Variants in MEMO1 observed in about 807,000 individuals in gnomAD.
MEMO1 encodes mediator of cell motility 1, also known as protein MEMO1.
A neutral mutation model predicts 45.2 loss-of-function variants in MEMO1; 6 were observed. That is an observed-to-expected ratio of 0.13 (90% CI 0.07 to 0.26). The LOEUF is 0.26. MEMO1 is among the 10% of genes least tolerant of loss of function. MEMO1 has a pLI of 1.00. For synonymous variants in MEMO1, 78 were observed against 124.3 expected (o/e 0.63, Z 2.48); for missense variants, 184 against 370.5 (o/e 0.50, Z 4.13).
intron 2 of MEMO1, among the ~76,000 whole-genome samples, chr2:32,005,993 A>G (rs1433094230): frequency 6.6e-6 from 1 of 152,248 alleles, no homozygotes; most frequent in Non-Finnish European, 1.5e-5. Flanking sequence ...ATATTTCAAC[A>G]GAGGGACCAG....
chr2:32,002,304 CATAT>C (rs1361426052), intron 2 of MEMO1, among the ~76,000 whole-genome samples: 1 of 145,558 alleles, frequency 6.9e-6, no homozygotes, highest in Non-Finnish European at 1.5e-5. Context: ...TATACATATA[CATAT>C]ATACATACAC....
At chr2:31,929,300 G>T (rs1353425553) in intron 4 of MEMO1, among the ~76,000 whole-genome samples, 2 of 151,404 alleles carry the variant, frequency 1.3e-5, no homozygotes, top group East Asian at 1.9e-4. Context: ...TATTATTTTT[G>T]ATATTATCCT....
chr2:31,902,114 T>A (rs1678930014), intron 6 of MEMO1, among the ~76,000 whole-genome samples: 1 of 151,764 alleles, frequency 6.6e-6, no homozygotes, highest in Non-Finnish European at 1.5e-5. Context: ...AGACCCCTAA[T>A]CTTAAAAACA....
At chr2:31,912,771 A>C (rs1163690055) in intron 6 of MEMO1, among the ~76,000 whole-genome samples, 1 of 152,146 alleles carries the variant, frequency 6.6e-6, no homozygotes, top group Non-Finnish European at 1.5e-5. Context: ...TATGCATAAA[A>C]ACCTTTACTG....
chr2:31,884,461 A>G (rs765462611), intron 7 of MEMO1, among the ~76,000 whole-genome samples: 10 of 152,180 alleles, frequency 6.6e-5, no homozygotes, highest in Non-Finnish European at 1.2e-4. Flanking sequence ...GTTCAGAGCA[A>G]TGTTGATATA....
At chr2:31,965,390 G>C (rs908598466) in intron 2 of MEMO1, among the ~76,000 whole-genome samples, 1 of 152,020 alleles carries the variant, frequency 6.6e-6, no homozygotes, top group Non-Finnish European at 1.5e-5. Context: ...ATGCTGGGAG[G>C]CAACTATAAA....
intron 6 of MEMO1, among the ~76,000 whole-genome samples, chr2:31,895,262 G>A (rs984438498): frequency 1.5e-4 from 23 of 152,092 alleles, no homozygotes; most frequent in Non-Finnish European, 2.4e-4. Flanking sequence ...CATATTCGGC[G>A]GGAAAAATAA....
chr2:31,891,581 A>G (rs1335774767), intron 7 of MEMO1, among the ~76,000 whole-genome samples: 1 of 152,150 alleles, frequency 6.6e-6, no homozygotes, highest in Non-Finnish European at 1.5e-5. Flanking sequence ...ACTAATTACA[A>G]AAAAGGAAAT....
At chr2:32,003,160 C>G (rs924453929) in intron 2 of MEMO1, among the ~76,000 whole-genome samples, 2 of 152,020 alleles carry the variant, frequency 1.3e-5, no homozygotes, top group Non-Finnish European at 2.9e-5. Flanking sequence ...ATTTTATACT[C>G]CTAAACTTAC....
chr2:31,985,764 A>T (rs991395260), intron 2 of MEMO1, among the ~76,000 whole-genome samples: 4 of 152,238 alleles, frequency 2.6e-5, no homozygotes, highest in African/African-American at 9.6e-5. Flanking sequence ...AAGTCCTCAT[A>T]TGCATGTAAT....
chr2:31,980,912 G>A (rs1383830126), intron 2 of MEMO1, among the ~76,000 whole-genome samples: 4 of 152,168 alleles, frequency 2.6e-5, no homozygotes, highest in African/African-American at 9.7e-5. Flanking sequence ...AAATCAGGAA[G>A]AGCCAGCAGC....
chr2:32,004,198 A>G (rs895228031), intron 2 of MEMO1, among the ~76,000 whole-genome samples: 2 of 152,160 alleles, frequency 1.3e-5, no homozygotes, highest in Non-Finnish European at 2.9e-5. Context: ...TAAATAAGTA[A>G]ATAAATAAAT....
At chr2:31,912,958 C>T (rs1680818578) in intron 6 of MEMO1, among the ~76,000 whole-genome samples, 2 of 151,978 alleles carry the variant, frequency 1.3e-5, no homozygotes, top group Non-Finnish European at 2.9e-5. Context: ...TTTTAAAAAG[C>T]TCTAATGAAT....
At chr2:31,977,698 A>C (rs1670171152) in intron 2 of MEMO1, among the ~76,000 whole-genome samples, 1 of 151,774 alleles carries the variant, frequency 6.6e-6, no homozygotes, top group African/African-American at 2.4e-5. Context: ...CGCCTGGCTA[A>C]TTTCTGCATT....
intron 2 of MEMO1, among the ~76,000 whole-genome samples, chr2:31,963,496 G>A (rs1668262885): frequency 6.6e-6 from 1 of 152,122 alleles, no homozygotes; most frequent in African/African-American, 2.4e-5. Context: ...TGGAAAACTG[G>A]TAAATAAAAG....
chr2:31,974,927 T>G (rs946833284), intron 2 of MEMO1, among the ~76,000 whole-genome samples: 2 of 152,096 alleles, frequency 1.3e-5, no homozygotes, highest in South Asian at 4.1e-4. Context: ...TCCCTGCACT[T>G]TGAGAGGCCG....
At chr2:31,903,021 T>C (rs146653292) in intron 6 of MEMO1, among the ~76,000 whole-genome samples, 1,897 of 152,256 alleles carry the variant, frequency 0.012, 30 homozygotes, top group African/African-American at 0.042. Context: ...ATTTGTGGTA[T>C]ATAAATAATT....
intron 2 of MEMO1, among the ~76,000 whole-genome samples, chr2:31,957,563 A>AACTT (rs1667547268): frequency 6.6e-6 from 1 of 152,208 alleles, no homozygotes; most frequent in Admixed American, 6.5e-5. Flanking sequence ...AGCAAAAAGG[A>AACTT]ACTTCCTCCT....
chr2:31,875,503 A>G (rs1572536113), intron 8 of MEMO1, among the ~76,000 whole-genome samples: 1 of 152,236 alleles, frequency 6.6e-6, no homozygotes, highest in East Asian at 1.9e-4. Context: ...CTCTAGTCCA[A>G]TTGAAAGCCT....
Sources: gnomAD v4.1 joint callset for allele counts (sites outside exome capture counted in the v4.1 genomes callset) on GRCh38, gnomAD v4.1.1 for gene constraint, MANE v1.5 for transcripts, NCBI Gene and HGNC (gene_info 2026-07-23, HGNC 2026-07-21) for gene names.